FOXO1: variants seen among roughly 807,000 people sequenced by gnomAD.
FOXO1 encodes forkhead box O1, also known as forkhead box protein O1.
FOXO1 carries 6 observed loss-of-function variants against 44.1 expected under a neutral mutation model. The observed-to-expected ratio is 0.14, with a 90% CI of 0.07 to 0.27. FOXO1 has a LOEUF of 0.27. FOXO1 is among the 10% of genes least tolerant of loss of function. The pLI is 1.00. For synonymous variants in FOXO1, 380 were observed against 362.7 expected (o/e 1.05, Z -0.54); for missense variants, 737 against 888.8 (o/e 0.83, Z 2.17).
intron 1 of FOXO1, among the ~76,000 whole-genome samples, chr13:40,580,266 C>A (rs183022938): frequency 6.6e-6 from 1 of 152,180 alleles, no homozygotes; most frequent in Non-Finnish European, 1.5e-5. Flanking sequence ...CACACACACA[C>A]CTGCATAACC....
intron 1 of FOXO1, among the ~76,000 whole-genome samples, chr13:40,576,306 C>T (rs1874740788): frequency 6.6e-6 from 1 of 152,126 alleles, no homozygotes. Flanking sequence ...ATGCAACTCA[C>T]AGGACAGCCA....
intron 1 of FOXO1, among the ~76,000 whole-genome samples, chr13:40,597,226 T>C (rs1038415585): frequency 6.6e-6 from 1 of 152,234 alleles, no homozygotes; most frequent in Non-Finnish European, 1.5e-5. Context: ...ATCACCACCA[T>C]AACCCCAGAA....
intron 1 of FOXO1, among the ~76,000 whole-genome samples, chr13:40,629,166 G>T (rs1876881463): frequency 1.3e-5 from 2 of 149,588 alleles, no homozygotes; most frequent in Non-Finnish European, 1.5e-5. Context: ...TTTTCAGACA[G>T]AGTTTCACTC....
At position 40,666,130 on chromosome 13, in the gene FOXO1, G is replaced by C. The variant is rs1182709050; in HGVS notation, c.83C>G (p.Pro28Arg). Residue 28 changes from proline (P) to arginine (R), a missense_variant, in exon 1 of 3, where the codon CCC (proline) becomes CGC (arginine). By Grantham distance (103) the Pro-to-Arg change is moderately radical. Around this residue, in one of 7 missense-constraint regions of FOXO1, gnomAD observed 213 missense variants for 236.4 expected, o/e 0.90. Transcript: ENST00000379561. ...PRPRSCTWPLPRPEFSQSNSA... is the reference protein window; with the variant it reads ...PRPRSCTWPLRRPEFSQSNSA... ...GTTGGACTGGCTAAACTCCGGCCTG[G>C]GCAGCGGCCAGGTGCACGAGCGCGG... is the stretch of plus-strand genomic sequence containing the variant. The C allele has an allele frequency of 6.9e-7, 1 of 1,453,634 alleles. No individual in the cohort carries two copies. The highest frequency in any genetic ancestry group is 1.5e-5 in the African/African-American group (1 of 68,094). The allele number at this position is 1,453,634 out of a possible 1,614,324, so 90.0% of individuals were successfully genotyped here. A position where few individuals can be genotyped will look rare whatever the true frequency, so the allele number is the denominator to read the frequency against.
chr13:40,613,762 C>A (rs1876318680), intron 1 of FOXO1, among the ~76,000 whole-genome samples: 1 of 152,174 alleles, frequency 6.6e-6, no homozygotes, highest in African/African-American at 2.4e-5. Flanking sequence ...CCAGAGCCCT[C>A]CAGCTGACTG....
chr13:40,581,790 AT>A (rs1451914660), intron 1 of FOXO1, among the ~76,000 whole-genome samples: 1 of 152,232 alleles, frequency 6.6e-6, no homozygotes, highest in Non-Finnish European at 1.5e-5. Context: ...GCTGACTTTT[AT>A]TAAAGAAAAT....
At chr13:40,643,220 T>C (rs1877408144) in intron 1 of FOXO1, among the ~76,000 whole-genome samples, 2 of 151,580 alleles carry the variant, frequency 1.3e-5, no homozygotes. Context: ...CAGGCACCTG[T>C]AATCCCAGCT....
intron 1 of FOXO1, among the ~76,000 whole-genome samples, chr13:40,607,803 T>C (rs1426064268): frequency 1.3e-5 from 2 of 152,224 alleles, no homozygotes; most frequent in Non-Finnish European, 2.9e-5. Flanking sequence ...TCAATTCTAG[T>C]GGTAGAAAGA....
rs1191243361 is a variant in FOXO1, at chr13:40,556,793, T to G, written c.*2256A>C. 3 of 152,200 alleles carry G rather than the reference T, an allele frequency of 2.0e-5. No homozygotes were observed. The highest frequency in any genetic ancestry group is 4.1e-4 in the South Asian group (2 of 4,832). 9.4% of individuals were successfully genotyped at this position (152,200 alleles called of 1,614,324 possible). On this transcript the variant is annotated 3_prime_UTR_variant, in exon 3 of 3. Coordinates refer to ENST00000379561, the MANE Select transcript of FOXO1 (RefSeq NM_002015.4). ...ATTTTAACAGTGATTTTGGCTGTAG[T>G]TGCCTCTTTAATGAACAAATGGGGG... is the stretch of plus-strand genomic sequence containing the variant.
At chr13:40,586,531 T>C (rs1045053341) in intron 1 of FOXO1, among the ~76,000 whole-genome samples, 1 of 152,182 alleles carries the variant, frequency 6.6e-6, no homozygotes, top group African/African-American at 2.4e-5. Flanking sequence ...GATATGACTC[T>C]TGCAGTCTGG....
chr13:40,561,298 G>A (rs907587137), intron 1 of FOXO1, among the ~76,000 whole-genome samples: 2 of 150,830 alleles, frequency 1.3e-5, no homozygotes, highest in African/African-American at 2.4e-5. Context: ...CTTGCAGTGA[G>A]GCGAGATCGT....
At position 40,619,008 on chromosome 13, in the gene FOXO1, C is replaced by T. The variant is rs1044104817; in HGVS notation, c.630+46575G>A. 5 of 508,662 alleles carry T rather than the reference C, an allele frequency of 9.8e-6. No individual in the cohort carries two copies. The East Asian group carries it at 1.6e-4, about 17-fold the overall frequency. The allele number at this position is 508,662 out of a possible 1,614,324, so 31.5% of individuals were successfully genotyped here. On this transcript the variant is annotated intron_variant, in intron 1 of 2. Transcript: ENST00000379561. ...GACTCGAGAAATGGAACAAACTGGC[C>T]GGACACCGTGACTCATGCCTGTAAT...
intron 1 of FOXO1, among the ~76,000 whole-genome samples, chr13:40,590,071 T>C (rs916996397): frequency 6.6e-6 from 1 of 152,194 alleles, no homozygotes; most frequent in Admixed American, 6.5e-5. Flanking sequence ...CTGTGGCCCC[T>C]ACCCAACTCC....
intron 1 of FOXO1, among the ~76,000 whole-genome samples, chr13:40,582,593 T>G (rs186423299): frequency 1.3e-5 from 2 of 152,350 alleles, no homozygotes; most frequent in East Asian, 3.9e-4. Context: ...CCATGTTCAT[T>G]CACAGCATCT....
chr13:40,628,385 A>ACC (rs1050775853), intron 1 of FOXO1, among the ~76,000 whole-genome samples: 12 of 151,530 alleles, frequency 7.9e-5, no homozygotes, highest in African/African-American at 2.7e-4. Flanking sequence ...ACACACACAC[A>ACC]CACACCCCGT....
chr13:40,586,128 T>C (rs1875155259), intron 1 of FOXO1, among the ~76,000 whole-genome samples: 1 of 152,230 alleles, frequency 6.6e-6, no homozygotes, highest in Non-Finnish European at 1.5e-5. Flanking sequence ...TCACAATCCA[T>C]AAAATAGTGA....
chr13:40,581,908 G>A (rs1874969766), intron 1 of FOXO1, among the ~76,000 whole-genome samples: 1 of 152,170 alleles, frequency 6.6e-6, no homozygotes, highest in South Asian at 2.1e-4. Flanking sequence ...AGCACAGCCA[G>A]GGTACGGGCT....
intron 1 of FOXO1, among the ~76,000 whole-genome samples, chr13:40,654,500 CAA>C (rs199597846): frequency 1.3e-3 from 139 of 108,242 alleles, no homozygotes; most frequent in African/African-American, 3.6e-3. Context: ...GACTCTGTCA[CAA>C]AAAAAAAAAA....
intron 1 of FOXO1, among the ~76,000 whole-genome samples, chr13:40,595,241 TA>T (rs2137871060): frequency 6.6e-6 from 1 of 152,328 alleles, no homozygotes; most frequent in South Asian, 2.1e-4. Context: ...AGCCTAGCTT[TA>T]AAAGAGCTTG....
Sources: allele counts gnomAD v4.1 joint callset (sites outside exome capture counted in the v4.1 genomes callset), GRCh38; gene constraint gnomAD v4.1.1; regional missense constraint gnomAD v4.1.1; transcripts MANE v1.5; gene names NCBI Gene and HGNC (gene_info 2026-07-23, HGNC 2026-07-21).